Variants in MINAR2 observed in about 807,000 individuals in gnomAD.
MINAR2 encodes the protein membrane integral NOTCH2 associated receptor 2, also known as major intrinsically disordered NOTCH2-binding receptor 1-like.
Under a neutral mutation model 16.1 loss-of-function variants are expected in MINAR2, and 21 were observed. That is an observed-to-expected ratio of 1.31 (90% confidence interval 0.93 to 1.88). MINAR2 has a LOEUF of 1.88. Ranked by LOEUF, MINAR2 falls within the 40% of genes most tolerant of loss-of-function variation. The pLI, the probability that MINAR2 is intolerant of heterozygous loss-of-function variation, is 0.00. For missense variants in MINAR2, 259 were observed against 229.8 expected, an observed-to-expected ratio of 1.13 and a Z score of -0.82; for synonymous variants, 86 against 83.0, an observed-to-expected ratio of 1.04 and a Z score of -0.20.
At chr5:129,752,310 T>C (rs1757994645) in intron 1 of MINAR2, among the ~76,000 whole-genome samples, 2 of 152,166 alleles carry the variant, frequency 1.3e-5, no homozygotes, top group Admixed American at 1.3e-4. Context: ...CAGCAAAGAC[T>C]TGGAACCAAC....
chr5:129,756,789 C>A (rs2149545759), intron 1 of MINAR2, among the ~76,000 whole-genome samples: 1 of 151,660 alleles, frequency 6.6e-6, no homozygotes. Flanking sequence ...TGTTAACTAA[C>A]TTTATTCATT....
chr5:129,757,106 C>T (rs1758065536), intron 1 of MINAR2, among the ~76,000 whole-genome samples: 1 of 149,440 alleles, frequency 6.7e-6, no homozygotes, highest in African/African-American at 2.5e-5. Flanking sequence ...GTATAATCAT[C>T]TTCTGCTATA....
At chr5:129,761,296 T>C (rs1758131617) in intron 2 of MINAR2, among the ~76,000 whole-genome samples, 1 of 152,174 alleles carries the variant, frequency 6.6e-6, no homozygotes, top group Admixed American at 6.5e-5. Context: ...ATGGACTGGA[T>C]TCCTACCCAG....
chr5:129,754,777 A>G (rs1221936244), intron 1 of MINAR2, among the ~76,000 whole-genome samples: 2 of 152,158 alleles, frequency 1.3e-5, no homozygotes, highest in African/African-American at 4.8e-5. Flanking sequence ...GCCCATAAAC[A>G]TCCCTGTAGA....
intron 1 of MINAR2, among the ~76,000 whole-genome samples, chr5:129,757,644 C>T (rs550422350): frequency 7.2e-5 from 11 of 151,866 alleles, no homozygotes; most frequent in Non-Finnish European, 1.2e-4. Context: ...GCTCTGGTGA[C>T]TTAGAAGCTG....
rs1295274164 is a variant in MINAR2, at chr5:129,760,406, G to A, written c.194G>A (p.Arg65Gln). 2 of 1,535,632 alleles carry A rather than the reference G, an allele frequency of 1.3e-6. No homozygotes were observed. Among genetic ancestry groups the A allele is most frequent in the Non-Finnish European group, 1.7e-6 (2 of 1,146,530 alleles). Residue 65 changes from arginine to glutamine, a missense_variant, in exon 2 of 3, where the codon CGA becomes CAA. Arg to Gln is a conservative substitution (Grantham distance 43, BLOSUM62 1). Transcript: ENST00000564719. ...QREKKNIAAQ[R>Q]IRGSSADSLV... ...GAAAAGAAGAATATTGCTGCTCAAC[G>A]AATTAGGGGATCCAGTGCAGACAGC...
rs1310269407 is a variant in MINAR2 at position 129,765,013 on chromosome 5, G to A, written c.523G>A (p.Val175Ile). The change falls in exon 3 of 3, where the codon GTT (valine) becomes ATT (isoleucine). Residue 175 changes from valine to isoleucine, a missense_variant. Transcript: ENST00000564719. ...TCGTATGGGTCTGATTTTACTTGTC[G>A]TTATCTCCATCTTGGTTACCATAGT... ...FCRMGLILLV[V>I]ISILVTIVTI... 2.4e-5 allele frequency: 32 copies of A among 1,345,954 alleles called. No homozygotes were observed. Among genetic ancestry groups the A allele is most frequent in the Non-Finnish European group, 3.0e-5 (31 of 1,048,178 alleles). The allele number at this position is 1,345,954 out of a possible 1,614,324, so 83.4% of individuals were successfully genotyped here. A position where few individuals can be genotyped will look rare whatever the true frequency, so the allele number is the denominator to read the frequency against.
At chr5:129,763,313 T>C (rs191534084) in intron 2 of MINAR2, among the ~76,000 whole-genome samples, 2 of 152,312 alleles carry the variant, frequency 1.3e-5, no homozygotes, top group East Asian at 3.9e-4. Flanking sequence ...TTTTTTCTTA[T>C]GCCTCATTAA....
intron 2 of MINAR2, among the ~76,000 whole-genome samples, chr5:129,761,230 C>T (rs1447493429): frequency 6.6e-6 from 1 of 152,148 alleles, no homozygotes; most frequent in East Asian, 1.9e-4. Context: ...GTCACCCCAT[C>T]ACATGAAAAA....
chr5:129,762,293 T>G (rs1226712855), intron 2 of MINAR2, among the ~76,000 whole-genome samples: 1 of 152,210 alleles, frequency 6.6e-6, no homozygotes, highest in African/African-American at 2.4e-5. Context: ...AAATGCCTTT[T>G]CCCTCACATT....
intron 2 of MINAR2, among the ~76,000 whole-genome samples, chr5:129,761,771 G>T (rs1322935158): frequency 6.6e-6 from 1 of 152,082 alleles, no homozygotes; most frequent in African/African-American, 2.4e-5. Flanking sequence ...GTATGTTAGG[G>T]CCTCTTCCTT....
intron 1 of MINAR2, 127 bp downstream of exon 1, chr5:129,748,482 C>T (rs1391105233): frequency 2.3e-6 from 2 of 882,032 alleles, no homozygotes; most frequent in East Asian, 5.7e-5. Flanking sequence ...TGTCTTCCAA[C>T]TTAGTCTTTC....
rs116398593 is a variant in MINAR2, at chr5:129,759,336, G to A, written c.166-1042G>A. 6.4e-3 allele frequency among the ~76,000 whole-genome samples: 967 copies of A among 152,156 alleles called. 13 individuals are homozygous for A. The highest frequency in any genetic ancestry group is 0.022 in the African/African-American group (926 of 41,534). On this transcript the variant is annotated intron_variant, in intron 1 of 2. Coordinates refer to ENST00000564719, the MANE Select transcript of MINAR2 (RefSeq NM_001257308.2). ...AAGATTATCTAAAATTAACTTATATGAAATCCCTCTCTTGATGTCCCATGA... is the reference window on the plus strand; with the variant it reads ...AAGATTATCTAAAATTAACTTATATAAAATCCCTCTCTTGATGTCCCATGA...
chr5:129,749,136 A>T (rs1375183864), intron 1 of MINAR2, among the ~76,000 whole-genome samples: 1 of 152,194 alleles, frequency 6.6e-6, no homozygotes, highest in East Asian at 1.9e-4. Flanking sequence ...GCTTTAAGAC[A>T]TGAAGGCTAA....
intron 1 of MINAR2, among the ~76,000 whole-genome samples, chr5:129,758,829 T>G (rs1267214543): frequency 6.6e-6 from 1 of 152,058 alleles, no homozygotes; most frequent in African/African-American, 2.4e-5. Flanking sequence ...TTCAGAAACA[T>G]TACTTTTGAA....
chr5:129,764,350 A>G (rs1383843189), intron 2 of MINAR2, among the ~76,000 whole-genome samples: 6 of 152,140 alleles, frequency 3.9e-5, no homozygotes, highest in Non-Finnish European at 8.8e-5. Context: ...GTAATGGAAG[A>G]GACTCCTGAC....
At chr5:129,763,116 G>A (rs1758159361) in intron 2 of MINAR2, among the ~76,000 whole-genome samples, 1 of 152,082 alleles carries the variant, frequency 6.6e-6, no homozygotes, top group South Asian at 2.1e-4. Context: ...TATACAATGA[G>A]TGCCATGTTT....
chr5:129,759,798 C>A (rs1354964980), intron 1 of MINAR2, among the ~76,000 whole-genome samples: 2 of 147,332 alleles, frequency 1.4e-5, no homozygotes, highest in Admixed American at 1.4e-4. Context: ...TTTTTAAAAA[C>A]CTGAAAATCA....
chr5:129,759,912 T>G (rs1478290897), intron 1 of MINAR2, among the ~76,000 whole-genome samples: 1 of 152,118 alleles, frequency 6.6e-6, no homozygotes. Context: ...ATGGGAGACA[T>G]GATAGTATTT....
Sources: allele counts gnomAD v4.1 joint callset (sites outside exome capture counted in the v4.1 genomes callset), GRCh38; gene constraint gnomAD v4.1.1; transcripts MANE v1.5; gene names NCBI Gene and HGNC (gene_info 2026-07-23, HGNC 2026-07-21).